IL1RAPL1: variants seen among roughly 807,000 people sequenced by gnomAD.
IL1RAPL1 encodes the protein interleukin-1 receptor accessory protein-like 1.
In IL1RAPL1, 3 loss-of-function variants were observed where a neutral mutation model predicts 48.4. That is an observed-to-expected ratio of 0.06 (90% CI 0.03 to 0.16). The LOEUF is 0.16. IL1RAPL1 is among the 10% of genes least tolerant of loss of function. The pLI is 1.00. For synonymous variants in IL1RAPL1, 185 were observed against 187.7 expected, an observed-to-expected ratio of 0.99 and a Z score of 0.12; for missense variants, 349 against 530.6, an observed-to-expected ratio of 0.66 and a Z score of 3.36.
At chrX:29,200,019 T>A in intron 2 of IL1RAPL1, among the ~76,000 whole-genome samples, 1 of 111,748 alleles carries the variant, frequency 8.9e-6, no homozygotes, top group Non-Finnish European at 1.9e-5. Context: ...ACCTACTGTT[T>A]GTTCAGGATA....
chrX:29,801,735 T>C (rs1929909613), intron 6 of IL1RAPL1, among the ~76,000 whole-genome samples: 1 of 111,987 alleles, frequency 8.9e-6, no homozygotes, highest in African/African-American at 3.2e-5. Context: ...AGTCCTTAAC[T>C]AAGATCGATC....
chrX:29,267,406 G>A (rs935706372), intron 2 of IL1RAPL1, among the ~76,000 whole-genome samples: 1 of 111,932 alleles, frequency 8.9e-6, no homozygotes, highest in Non-Finnish European at 1.9e-5. Context: ...ATAAAAGAAA[G>A]CTATGACACC....
chrX:28,833,189 T>A (rs966417237), intron 2 of IL1RAPL1, among the ~76,000 whole-genome samples: 1 of 111,663 alleles, frequency 9.0e-6, no homozygotes, highest in Non-Finnish European at 1.9e-5. Context: ...TTCCATGGTG[T>A]ATAGGTGCCA....
At chrX:29,575,270 C>G (rs1383667794) in intron 5 of IL1RAPL1, among the ~76,000 whole-genome samples, 1 of 111,920 alleles carries the variant, frequency 8.9e-6, no homozygotes, top group Non-Finnish European at 1.9e-5. Flanking sequence ...TTAGGGAGAA[C>G]TGGCTCACAT....
chrX:28,911,408 A>G (rs971070803), intron 2 of IL1RAPL1, among the ~76,000 whole-genome samples: 4 of 111,227 alleles, frequency 3.6e-5, no homozygotes, highest in African/African-American at 1.3e-4. Context: ...TTCATTTGAC[A>G]TGAAGCAAGG....
intron 2 of IL1RAPL1, among the ~76,000 whole-genome samples, chrX:29,029,491 G>A (rs1192145228): frequency 9.0e-6 from 1 of 111,497 alleles, no homozygotes; most frequent in Non-Finnish European, 1.9e-5. Flanking sequence ...ACACCCAGGT[G>A]CTATAATCTC....
intron 6 of IL1RAPL1, among the ~76,000 whole-genome samples, chrX:29,723,411 G>A (rs760194304): frequency 3.6e-5 from 4 of 111,743 alleles, no homozygotes; most frequent in African/African-American, 1.3e-4. Flanking sequence ...ACCACGCCTG[G>A]CTTATTTTTG....
chrX:29,123,316 A>G (rs1218661497), intron 2 of IL1RAPL1, among the ~76,000 whole-genome samples: 7 of 111,764 alleles, frequency 6.3e-5, no homozygotes. Flanking sequence ...ACCCGGCCCA[A>G]TAGCACATTT....
intron 2 of IL1RAPL1, among the ~76,000 whole-genome samples, chrX:28,963,526 A>G (rs993025449): frequency 9.0e-6 from 1 of 111,459 alleles, no homozygotes; most frequent in Non-Finnish European, 1.9e-5. Context: ...ATTAATGAAA[A>G]TTGAACTTCT....
intron 3 of IL1RAPL1, among the ~76,000 whole-genome samples, chrX:29,383,820 C>T (rs1007356053): frequency 7.2e-5 from 8 of 111,663 alleles, no homozygotes; most frequent in Non-Finnish European, 1.5e-4. Flanking sequence ...AGTTCCCTTC[C>T]CCAAAAACCT....
At chrX:29,429,834 T>C (rs1017628779) in intron 5 of IL1RAPL1, among the ~76,000 whole-genome samples, 3 of 109,442 alleles carry the variant, frequency 2.7e-5, no homozygotes, top group Non-Finnish European at 5.7e-5. Context: ...TATCAGTCAT[T>C]CATTTACATA....
intron 5 of IL1RAPL1, among the ~76,000 whole-genome samples, chrX:29,573,130 A>G (rs897251348): frequency 8.9e-6 from 1 of 112,019 alleles, no homozygotes; most frequent in Non-Finnish European, 1.9e-5. Flanking sequence ...GGAAGGACAA[A>G]CAAACTCTCT....
At chrX:28,829,171 T>C (rs898344706) in intron 2 of IL1RAPL1, among the ~76,000 whole-genome samples, 1 of 111,951 alleles carries the variant, frequency 8.9e-6, no homozygotes, top group African/African-American at 3.2e-5. Flanking sequence ...GGAAATCAAA[T>C]TATTCTATAT....
rs959754759 is a variant in IL1RAPL1, at chrX:28,742,083, C to A, written c.-24-47237C>A. Reference sequence around the variant, plus strand: ...GAGTTCTCTGCGCAGACTGGCAGAACGTCTCGTTGGGACATGATCTGAGAG... The same window carrying A: ...GAGTTCTCTGCGCAGACTGGCAGAAAGTCTCGTTGGGACATGATCTGAGAG... On this transcript the variant is annotated intron_variant, in intron 1 of 10. Coordinates refer to ENST00000378993, the MANE Select transcript of IL1RAPL1 (RefSeq NM_014271.4). Among the ~76,000 whole-genome samples the A allele has an allele frequency of 3.0e-4, 33 of 111,169 alleles. 1 individual carries two copies. The highest frequency in any genetic ancestry group is 1.1e-3 in the African/African-American group (33 of 30,622).
Position 28,681,992 on chromosome X carries a change from C to T in IL1RAPL1, c.-25+93945C>T, listed in dbSNP as rs770809961. The stretch of plus-strand genomic sequence containing the variant: ...CTCTGACAGCCATGAATCTGCTTTC[C>T]GTCTCTATGGTTTTACTTATTCTAC... On this transcript the variant is annotated intron_variant, in intron 1 of 10. Coordinates refer to ENST00000378993, the MANE Select transcript of IL1RAPL1 (RefSeq NM_014271.4). 4.5e-5 allele frequency among the ~76,000 whole-genome samples: 5 copies of T among 111,740 alleles called. No individual in the cohort carries two copies. The South Asian group carries it at 1.5e-3, about 34-fold the overall frequency.
chrX:29,703,834 A>G (rs1927119813), intron 6 of IL1RAPL1, among the ~76,000 whole-genome samples: 2 of 112,094 alleles, frequency 1.8e-5, no homozygotes, highest in African/African-American at 6.5e-5. Context: ...AATATCAGTC[A>G]AAAATATTTT....
At chrX:29,817,851 T>C (rs928112542) in intron 6 of IL1RAPL1, among the ~76,000 whole-genome samples, 2 of 111,876 alleles carry the variant, frequency 1.8e-5, no homozygotes, top group African/African-American at 6.5e-5. Context: ...TATCATTCTA[T>C]GTGTGGTAGA....
chrX:28,930,270 T>G (rs2147342590), intron 2 of IL1RAPL1, among the ~76,000 whole-genome samples: 1 of 112,543 alleles, frequency 8.9e-6, no homozygotes, highest in Non-Finnish European at 1.9e-5. Context: ...AAAAAAAATT[T>G]TATTTGCTCT....
chrX:29,100,888 C>T (rs1451713422), intron 2 of IL1RAPL1, among the ~76,000 whole-genome samples: 1 of 111,769 alleles, frequency 8.9e-6, no homozygotes, highest in African/African-American at 3.2e-5. Context: ...TAAATAGTAA[C>T]TATTACTATT....
Sources: gnomAD v4.1 joint callset for allele counts (sites outside exome capture counted in the v4.1 genomes callset) on GRCh38, gnomAD v4.1.1 for gene constraint, MANE v1.5 for transcripts, NCBI Gene and HGNC (gene_info 2026-07-23, HGNC 2026-07-21) for gene names.